Variants in ADAM18 observed in about 807,000 individuals in gnomAD.
ADAM18 encodes the protein ADAM metallopeptidase domain 18, also known as disintegrin and metalloproteinase domain-containing protein 18.
Under a neutral mutation model 94.4 loss-of-function variants are expected in ADAM18, and 117 were observed. The ratio of observed to expected loss-of-function variants is 1.24; its 90% CI spans 1.07 to 1.45. ADAM18 has a LOEUF of 1.45. Among genes scored for constraint, ADAM18 ranks in the 40% most tolerant of loss-of-function variants. The pLI is 0.00. For missense variants in ADAM18, 936 were observed against 880.0 expected (o/e 1.06, Z -0.81); for synonymous variants, 327 against 291.6 (o/e 1.12, Z -1.24).
At chr8:39,654,780 T>G (rs1185138702) in intron 12 of ADAM18, among the ~76,000 whole-genome samples, 1 of 152,224 alleles carries the variant, frequency 6.6e-6, no homozygotes, top group Non-Finnish European at 1.5e-5. Flanking sequence ...TTGATTTGTA[T>G]GTCCCTGATG....
At chr8:39,671,803 G>A (rs1265991064) in intron 14 of ADAM18, among the ~76,000 whole-genome samples, 1 of 152,078 alleles carries the variant, frequency 6.6e-6, no homozygotes, top group Non-Finnish European at 1.5e-5. Context: ...ATAGAGACAG[G>A]GATGTGATGG....
chr8:39,669,982 T>C (rs1354616274), intron 14 of ADAM18, among the ~76,000 whole-genome samples: 1 of 152,182 alleles, frequency 6.6e-6, no homozygotes, highest in Non-Finnish European at 1.5e-5. Flanking sequence ...ACCTGTTTTT[T>C]CCTGACTTTT....
rs940963446 is a variant in ADAM18 at position 39,603,886 on chromosome 8, T to C, written c.133-2421T>C. Among the ~76,000 whole-genome samples the C allele has an allele frequency of 1.2e-4, 18 of 152,368 alleles. No individual in the cohort carries two copies. In the South Asian group the frequency reaches 3.7e-3, roughly 32 times the overall value. On this transcript the variant is annotated intron_variant, in intron 2 of 19. Coordinates refer to ENST00000265707, the MANE Select transcript of ADAM18 (RefSeq NM_014237.3). ...ATTTATTCTTTCAGATCTTTCACTT[T>C]TAAAATATTTTTGTGTTTAATTCAC...
chr8:39,679,953 A>T, intron 15 of ADAM18, 84 bp from the exon 16 acceptor site: 1 of 1,290,150 alleles, frequency 7.8e-7, no homozygotes, highest in Non-Finnish European at 1.1e-6. Flanking sequence ...AATTAACAGT[A>T]TGTTACCATT....
chr8:39,675,448 C>G (rs1379840308), intron 14 of ADAM18, among the ~76,000 whole-genome samples: 1 of 152,154 alleles, frequency 6.6e-6, no homozygotes, highest in Admixed American at 6.5e-5. Flanking sequence ...TCACGAAGTT[C>G]TCGTGCCATG....
At chr8:39,708,890 C>A (rs1274478005) in intron 18 of ADAM18, among the ~76,000 whole-genome samples, 1 of 152,218 alleles carries the variant, frequency 6.6e-6, no homozygotes, top group Non-Finnish European at 1.5e-5. Context: ...AAACACAGTG[C>A]GGGCCCTGCG....
chr8:39,700,249 T>C (rs1421281317), intron 17 of ADAM18, among the ~76,000 whole-genome samples: 1 of 152,176 alleles, frequency 6.6e-6, no homozygotes, highest in Non-Finnish European at 1.5e-5. Flanking sequence ...AAAAGAATGT[T>C]GTTGAAGCTT....
intron 6 of ADAM18, among the ~76,000 whole-genome samples, chr8:39,629,167 C>G (rs1157837762): frequency 6.6e-6 from 1 of 151,568 alleles, no homozygotes; most frequent in Non-Finnish European, 1.5e-5. Context: ...GAGACTAGAC[C>G]CTTACATTAC....
intron 18 of ADAM18, among the ~76,000 whole-genome samples, chr8:39,715,310 A>G (rs1822538435): frequency 6.6e-6 from 1 of 152,100 alleles, no homozygotes; most frequent in Admixed American, 6.6e-5. Flanking sequence ...AAAATTTGTG[A>G]GACCCATCAA....
At position 39,692,782 on chromosome 8, in the gene ADAM18, G is replaced by A. The variant is rs1355879817; in HGVS notation, c.1902+102G>A. 3.7e-6 allele frequency: 3 copies of A among 801,896 alleles called. No homozygotes were observed. The Admixed American group carries it at 8.8e-5, about 24-fold the overall frequency. 49.7% of individuals were successfully genotyped at this position (801,896 alleles called of 1,614,324 possible). ...AGTCTAGGTTGACTTGCCTAGCTCT[G>A]GTAGACTAATATAAAGAAAATTAAC... On this transcript the variant is annotated intron_variant, in intron 17 of 19. Transcript: ENST00000265707.
chr8:39,725,060 C>G (rs951606323), intron 19 of ADAM18, among the ~76,000 whole-genome samples: 5 of 151,770 alleles, frequency 3.3e-5, no homozygotes, highest in Non-Finnish European at 5.9e-5. Flanking sequence ...ATACCCACTG[C>G]GTGGTGGGGA....
chr8:39,626,297 C>G (rs1819767045), intron 6 of ADAM18, among the ~76,000 whole-genome samples: 1 of 151,892 alleles, frequency 6.6e-6, no homozygotes, highest in Non-Finnish European at 1.5e-5. Context: ...TTAATCTTGT[C>G]TCTTCTTGGC....
chr8:39,680,099 C>T lies in ADAM18; in HGVS notation c.1694C>T (p.Ala565Val), dbSNP rs931223234. 2.5e-6 allele frequency: 4 copies of T among 1,613,724 alleles called. No homozygotes were observed. Among genetic ancestry groups the T allele is most frequent in the East Asian group, 2.2e-5 (1 of 44,870 alleles). Reference protein sequence around the residue: ...QPHKNANKSDAQSTVYSYIQD... With the variant: ...QPHKNANKSDVQSTVYSYIQD... Reference sequence around the variant, plus strand: ...CATAAAAATGCTAATAAAAGTGACGCTCAATCTACAGTTTATTCATATATT... The same window carrying T: ...CATAAAAATGCTAATAAAAGTGACGTTCAATCTACAGTTTATTCATATATT... Residue 565 changes from alanine (A) to valine (V), a missense_variant, in exon 16 of 20, where the codon GCT (alanine) becomes GTT (valine). By Grantham distance (64) the Ala-to-Val change is moderately conservative (BLOSUM62 0). Coordinates refer to ENST00000265707, the MANE Select transcript of ADAM18 (RefSeq NM_014237.3).
chr8:39,711,973 A>T (rs1822416752), intron 18 of ADAM18, among the ~76,000 whole-genome samples: 1 of 152,098 alleles, frequency 6.6e-6, no homozygotes, highest in Non-Finnish European at 1.5e-5. Context: ...GCACTAAAAA[A>T]TATTAAAAAT....
chr8:39,709,576 T>A (rs1206063678), intron 18 of ADAM18, among the ~76,000 whole-genome samples: 3 of 152,200 alleles, frequency 2.0e-5, no homozygotes, highest in Non-Finnish European at 4.4e-5. Flanking sequence ...TCTGTCAATA[T>A]CATAGGCTAC....
rs74544037 is a variant in ADAM18 at position 39,704,387 on chromosome 8, T to C, written c.1903-2403T>C. On this transcript the variant is annotated intron_variant, in intron 17 of 19. Coordinates refer to ENST00000265707, the MANE Select transcript of ADAM18 (RefSeq NM_014237.3). ...AATCAGATAGTCTTCATCTCCAGGATGCAAGGTTGGTTCAACATATGGAAA... is the reference window on the plus strand; with the variant it reads ...AATCAGATAGTCTTCATCTCCAGGACGCAAGGTTGGTTCAACATATGGAAA... 5.7e-3 allele frequency among the ~76,000 whole-genome samples: 874 copies of C among 152,256 alleles called. 5 individuals are homozygous for C. The highest frequency in any genetic ancestry group is 0.02 in the African/African-American group (831 of 41,546).
At chr8:39,675,662 C>T (rs918617741) in intron 14 of ADAM18, among the ~76,000 whole-genome samples, 5 of 152,180 alleles carry the variant, frequency 3.3e-5, no homozygotes, top group African/African-American at 1.2e-4. Context: ...AGCTTTGTTC[C>T]GTTGCTGGCG....
At chr8:39,653,870 A>C (rs1030145054) in intron 12 of ADAM18, among the ~76,000 whole-genome samples, 2 of 152,202 alleles carry the variant, frequency 1.3e-5, no homozygotes, top group African/African-American at 2.4e-5. Context: ...ATATGCAATA[A>C]ATAATTTTAA....
chr8:39,588,172 A>G (rs1818461656), intron 2 of ADAM18, among the ~76,000 whole-genome samples: 1 of 151,472 alleles, frequency 6.6e-6, no homozygotes, highest in South Asian at 2.1e-4. Context: ...AAAGATTCCA[A>G]CTTCTCCACA....
Sources: gnomAD v4.1 joint callset for allele counts (sites outside exome capture counted in the v4.1 genomes callset) on GRCh38, gnomAD v4.1.1 for gene constraint, MANE v1.5 for transcripts, NCBI Gene and HGNC (gene_info 2026-07-23, HGNC 2026-07-21) for gene names.